CDH11: variants seen among roughly 807,000 people sequenced by gnomAD.
CDH11 encodes the protein cadherin 11.
CDH11 carries 11 observed loss-of-function variants against 67.8 expected under a neutral mutation model. That is an observed-to-expected ratio of 0.16 (90% CI 0.10 to 0.27). CDH11 has a LOEUF of 0.27. Ranked by LOEUF, CDH11 falls within the 10% of genes least tolerant of loss-of-function variation. The pLI, the probability that CDH11 is intolerant of heterozygous loss-of-function variation, is 1.00. For synonymous variants in CDH11, 419 were observed against 400.0 expected, an observed-to-expected ratio of 1.05 and a Z score of -0.57; for missense variants, 847 against 1,031.2, an observed-to-expected ratio of 0.82 and a Z score of 2.45.
intron 1 of CDH11, among the ~76,000 whole-genome samples, chr16:65,059,142 T>A (rs2142734417): frequency 6.6e-6 from 1 of 152,208 alleles, no homozygotes; most frequent in East Asian, 1.9e-4. Context: ...AATTTAGAGA[T>A]CCTTCAAAGT....
chr16:65,049,113 G>A (rs2074013185), intron 2 of CDH11, among the ~76,000 whole-genome samples: 1 of 151,880 alleles, frequency 6.6e-6, no homozygotes, highest in African/African-American at 2.4e-5. Flanking sequence ...TTTGGTGATG[G>A]GTGTACTAGA....
intron 1 of CDH11, among the ~76,000 whole-genome samples, chr16:65,083,826 T>G (rs532580601): frequency 1.0e-3 from 155 of 152,298 alleles, no homozygotes; most frequent in African/African-American, 3.6e-3. Flanking sequence ...AAAATAAATT[T>G]AAAAATTGAA....
rs75195731 is a variant in CDH11, at chr16:65,032,741, C to T, written c.-173+21063G>A. Among the ~76,000 whole-genome samples, 369 of 152,276 alleles carry T rather than the reference C, an allele frequency of 2.4e-3. 1 individual carries two copies. Among genetic ancestry groups the T allele is most frequent in the African/African-American group, 8.5e-3 (354 of 41,560 alleles). On this transcript the variant is annotated intron_variant, in intron 2 of 12. Transcript: ENST00000268603. ...TTGTACTGTATGTACCAAATCACAG[C>T]CCTCTGTGAAATTAAGGGCATTAGT...
chr16:64,946,050 T>C lies in CDH11; in HGVS notation c.*1553A>G, dbSNP rs2142359460. The C allele has an allele frequency of 9.4e-7, 1 of 1,059,068 alleles. No homozygotes were observed. The highest frequency in any genetic ancestry group is 5.2e-5 in the East Asian group (1 of 19,286). The allele number at this position is 1,059,068 out of a possible 1,614,324, so 65.6% of individuals were successfully genotyped here. On this transcript the variant is annotated 3_prime_UTR_variant, in exon 13 of 13. Transcript: ENST00000268603. ...AAACTAGCTGGAATGCAGGGGACTG[T>C]AGACACACTCCTGGACCAAATGGCA...
At chr16:65,009,141 A>C (rs9935608) in intron 2 of CDH11, among the ~76,000 whole-genome samples, 1 of 151,962 alleles carries the variant, frequency 6.6e-6, no homozygotes, top group Non-Finnish European at 1.5e-5. Flanking sequence ...AGAAGGCTGC[A>C]GGTCAAATTT....
chr16:65,053,390 C>A (rs2074090663), intron 2 of CDH11, among the ~76,000 whole-genome samples: 1 of 152,176 alleles, frequency 6.6e-6, no homozygotes, highest in South Asian at 2.1e-4. Context: ...CTAAAAGGTT[C>A]AGCCTCCTAG....
chr16:65,036,021 T>C (rs1178679199), intron 2 of CDH11, among the ~76,000 whole-genome samples: 2 of 152,190 alleles, frequency 1.3e-5, no homozygotes, highest in East Asian at 3.9e-4. Flanking sequence ...CTGATGAGGA[T>C]AGTGGCTTAT....
intron 1 of CDH11, among the ~76,000 whole-genome samples, chr16:65,070,410 C>T (rs1170145390): frequency 6.6e-6 from 1 of 152,136 alleles, no homozygotes; most frequent in Non-Finnish European, 1.5e-5. Context: ...TCAAATCCTG[C>T]CTCTACCCTG....
At position 65,013,670 on chromosome 16, in the gene CDH11, T is replaced by A. The variant is rs934350970; in HGVS notation, c.-172-8629A>T. On this transcript the variant is annotated intron_variant, in intron 2 of 12. Coordinates refer to ENST00000268603, the MANE Select transcript of CDH11 (RefSeq NM_001797.4). ...AAACCCAGTTTCTACTAAAAAAATA[T>A]ACAAAAATTAGCCTGGCATGGTGGC... Among the ~76,000 whole-genome samples, 8 of 151,810 alleles carry A rather than the reference T, an allele frequency of 5.3e-5. No individual in the cohort carries two copies. The East Asian group carries it at 1.6e-3, about 30-fold the overall frequency.
intron 1 of CDH11, among the ~76,000 whole-genome samples, chr16:65,080,668 T>C (rs1055016125): frequency 6.6e-6 from 1 of 152,234 alleles, no homozygotes; most frequent in Non-Finnish European, 1.5e-5. Flanking sequence ...CTCTTTTCTA[T>C]GGGAGCAATG....
intron 1 of CDH11, among the ~76,000 whole-genome samples, chr16:65,085,061 C>T (rs752366718): frequency 2.2e-4 from 33 of 152,302 alleles, no homozygotes; most frequent in Admixed American, 4.6e-4. Flanking sequence ...AGGCACCTGC[C>T]ACCATGCCTG....
intron 2 of CDH11, among the ~76,000 whole-genome samples, chr16:65,021,107 T>C (rs1682204444): frequency 6.6e-6 from 1 of 152,160 alleles, no homozygotes; most frequent in South Asian, 2.1e-4. Flanking sequence ...CATGCTTCTC[T>C]GATCCAAAAG....
chr16:64,987,877 C>T, intron 7 of CDH11: 4 of 296,532 alleles, frequency 1.3e-5, no homozygotes. Context: ...CATTGTCCTT[C>T]CCTCCATGGG....
chr16:65,085,072 G>A (rs2074673088), intron 1 of CDH11, among the ~76,000 whole-genome samples: 1 of 152,048 alleles, frequency 6.6e-6, no homozygotes, highest in South Asian at 2.1e-4. Context: ...ACCATGCCTG[G>A]CTAATTTTTT....
chr16:64,958,729 G>T (rs540964372), intron 11 of CDH11, among the ~76,000 whole-genome samples: 1 of 152,114 alleles, frequency 6.6e-6, no homozygotes, highest in Admixed American at 6.5e-5. Context: ...TCCACAATAG[G>T]TTGGTTAATT....
At chr16:64,949,790 A>G (rs922773291) in intron 12 of CDH11, among the ~76,000 whole-genome samples, 9 of 152,028 alleles carry the variant, frequency 5.9e-5, no homozygotes, top group Admixed American at 5.9e-4. Flanking sequence ...TACAGCACCC[A>G]CCGTGTGCCT....
At chr16:65,078,848 T>A (rs767559973) in intron 1 of CDH11, among the ~76,000 whole-genome samples, 16 of 152,192 alleles carry the variant, frequency 1.1e-4, no homozygotes, top group Non-Finnish European at 2.2e-4. Flanking sequence ...TTTGGCAGAA[T>A]GTCAACCAGA....
chr16:65,120,825 C>G (rs549645998), intron 1 of CDH11, among the ~76,000 whole-genome samples: 1 of 152,278 alleles, frequency 6.6e-6, no homozygotes, highest in South Asian at 2.1e-4. Flanking sequence ...GGAAGCCGGA[C>G]CCGCAAGCCT....
chr16:65,002,473 A>G (rs371315906), intron 3 of CDH11, among the ~76,000 whole-genome samples: 72 of 152,316 alleles, frequency 4.7e-4, no homozygotes, highest in African/African-American at 1.6e-3. Context: ...TCTGGCACAC[A>G]GCCCATCTCC....
Sources: allele counts gnomAD v4.1 joint callset (sites outside exome capture counted in the v4.1 genomes callset), GRCh38; gene constraint gnomAD v4.1.1; transcripts MANE v1.5; gene names NCBI Gene and HGNC (gene_info 2026-07-23, HGNC 2026-07-21).